CPT1A: variants seen among roughly 807,000 people sequenced by gnomAD.
CPT1A encodes carnitine O-palmitoyltransferase 1, liver isoform.
A neutral mutation model predicts 100.8 loss-of-function variants in CPT1A; 64 were observed. The observed-to-expected ratio is 0.63, with a 90% CI of 0.52 to 0.78. CPT1A has a LOEUF of 0.78. Ranked by LOEUF, CPT1A falls within the 30% of genes least tolerant of loss-of-function variation. The pLI, the probability that CPT1A is intolerant of heterozygous loss-of-function variation, is 0.00. For missense variants in CPT1A, 802 were observed against 1,034.1 expected (o/e 0.78, Z 3.08); for synonymous variants, 363 against 396.0 (o/e 0.92, Z 0.99).
At position 68,756,442 on chromosome 11, in the gene CPT1A, T is replaced by C. The variant is rs2278908; in HGVS notation, c.*1202A>G. On this transcript the variant is annotated 3_prime_UTR_variant, in exon 19 of 19. Transcript: ENST00000265641. ...GACAGGCTGGGTGAACACCTAGCAC[T>C]GTCACTTGAGACATCTTGGCTGGTC... The C allele has an allele frequency of 0.64, 96,613 of 152,116 alleles. 31,410 individuals carry two copies. The highest frequency in any genetic ancestry group is 0.79 in the East Asian group (4,085 of 5,148). 9.4% of individuals were successfully genotyped at this position (152,116 alleles called of 1,614,324 possible).
intron 1 of CPT1A, among the ~76,000 whole-genome samples, chr11:68,829,141 G>A (rs1256316659): frequency 2.6e-5 from 4 of 152,170 alleles, no homozygotes; most frequent in Non-Finnish European, 5.9e-5. Flanking sequence ...GAAGAAGCAG[G>A]GATGGACTAG....
At chr11:68,840,436 T>C (rs192193036) in intron 1 of CPT1A, among the ~76,000 whole-genome samples, 1 of 152,346 alleles carries the variant, frequency 6.6e-6, no homozygotes, top group East Asian at 1.9e-4. Context: ...GAAAATGGTG[T>C]AACAAAATAC....
At chr11:68,833,428 T>C (rs1249437726) in intron 1 of CPT1A, among the ~76,000 whole-genome samples, 1 of 152,264 alleles carries the variant, frequency 6.6e-6, no homozygotes, top group East Asian at 1.9e-4. Flanking sequence ...CCTTGTACTT[T>C]TCCAGTAAAT....
At chr11:68,808,393 C>T (rs1856107728) in intron 3 of CPT1A, among the ~76,000 whole-genome samples, 1 of 146,244 alleles carries the variant, frequency 6.8e-6, no homozygotes, top group Admixed American at 6.9e-5. Context: ...TTTTTCGAGA[C>T]AAGAGTCTCG....
At chr11:68,819,339 C>G (rs1053831849) in intron 1 of CPT1A, among the ~76,000 whole-genome samples, 1 of 152,150 alleles carries the variant, frequency 6.6e-6, no homozygotes, top group African/African-American at 2.4e-5. Flanking sequence ...CTCGGCCTCC[C>G]AAAGTGCCGG....
chr11:68,798,051 G>A (rs887631189), intron 6 of CPT1A, among the ~76,000 whole-genome samples: 8 of 152,160 alleles, frequency 5.3e-5, no homozygotes, highest in African/African-American at 1.9e-4. Flanking sequence ...CTGCTTCCCA[G>A]GTCTGCCTGA....
chr11:68,772,241 T>C (rs1855009129), intron 14 of CPT1A, among the ~76,000 whole-genome samples: 1 of 152,094 alleles, frequency 6.6e-6, no homozygotes, highest in African/African-American at 2.4e-5. Context: ...TAATCCCAGC[T>C]ACTCGGGAGG....
intron 14 of CPT1A, among the ~76,000 whole-genome samples, chr11:68,769,048 G>A (rs1854908375): frequency 6.6e-6 from 1 of 152,036 alleles, no homozygotes; most frequent in South Asian, 2.1e-4. Context: ...TTCCTCTCTT[G>A]TGAACCACAG....
intron 3 of CPT1A, among the ~76,000 whole-genome samples, chr11:68,807,989 A>T (rs1856096341): frequency 6.6e-6 from 1 of 152,236 alleles, no homozygotes; most frequent in East Asian, 1.9e-4. Flanking sequence ...AGCTTCCTCC[A>T]GGACCTCAGG....
intron 9 of CPT1A, among the ~76,000 whole-genome samples, chr11:68,791,812 C>T (rs1855622868): frequency 6.6e-6 from 1 of 152,112 alleles, no homozygotes. Flanking sequence ...GCTGGGATTA[C>T]AGGCGTGAGC....
chr11:68,758,821 T>C, intron 18 of CPT1A, among the ~76,000 whole-genome samples: 1 of 151,110 alleles, frequency 6.6e-6, no homozygotes, highest in Admixed American at 6.6e-5. Flanking sequence ...TTTCACCATG[T>C]TGGCCAGGAT....
chr11:68,769,440 A>G (rs1418540070), intron 14 of CPT1A, among the ~76,000 whole-genome samples: 1 of 145,070 alleles, frequency 6.9e-6, no homozygotes, highest in Non-Finnish European at 1.5e-5. Context: ...TTGTACAGAT[A>G]GAGTCTCCCC....
chr11:68,839,815 A>T, intron 1 of CPT1A: 1 of 603,766 alleles, frequency 1.7e-6, no homozygotes, highest in Non-Finnish European at 2.1e-6. Flanking sequence ...CCGCTCGGTG[A>T]CCACTGGTCC....
At chr11:68,807,283 CT>C (rs2154000800) in intron 4 of CPT1A, among the ~76,000 whole-genome samples, 183 bp downstream of exon 4, 1 of 152,318 alleles carries the variant, frequency 6.6e-6, no homozygotes, top group African/African-American at 2.4e-5. Flanking sequence ...AAGAGAAGCA[CT>C]CTTTGGCCCC....
At chr11:68,814,464 G>A (rs1012543857) in intron 2 of CPT1A, among the ~76,000 whole-genome samples, 3 of 150,828 alleles carry the variant, frequency 2.0e-5, no homozygotes, top group South Asian at 2.1e-4. Flanking sequence ...CCGCCACCAC[G>A]CCCGGCTAAT....
intron 8 of CPT1A, among the ~76,000 whole-genome samples, chr11:68,794,147 G>T (rs1402576556): frequency 6.6e-6 from 1 of 152,152 alleles, no homozygotes; most frequent in Admixed American, 6.6e-5. Flanking sequence ...AGAATAATTA[G>T]GCTGGGTGAA....
At chr11:68,766,379 C>T (rs1347290204) in intron 14 of CPT1A, among the ~76,000 whole-genome samples, 1 of 152,134 alleles carries the variant, frequency 6.6e-6, no homozygotes, top group Non-Finnish European at 1.5e-5. Context: ...CACAGGGAGG[C>T]TCTGCAGCTC....
At chr11:68,770,047 A>C (rs1422228487) in intron 14 of CPT1A, among the ~76,000 whole-genome samples, 5 of 97,954 alleles carry the variant, frequency 5.1e-5, no homozygotes, top group Non-Finnish European at 1.1e-4. Flanking sequence ...GCAACAGAGT[A>C]AGGCTCCGTC....
chr11:68,810,269 C>T (rs1420844061), intron 3 of CPT1A, among the ~76,000 whole-genome samples: 2 of 152,184 alleles, frequency 1.3e-5, no homozygotes, highest in Non-Finnish European at 2.9e-5. Context: ...AGGCAGCTAC[C>T]CACCGCAGGC....
Sources: allele counts gnomAD v4.1 joint callset (sites outside exome capture counted in the v4.1 genomes callset), GRCh38; gene constraint gnomAD v4.1.1; transcripts MANE v1.5; gene names NCBI Gene and HGNC (gene_info 2026-07-23, HGNC 2026-07-21).